ACACA: variants seen among roughly 807,000 people sequenced by gnomAD.
ACACA encodes the protein acetyl-CoA carboxylase alpha.
In ACACA, 103 loss-of-function variants were observed where a neutral mutation model predicts 296.1. The observed-to-expected ratio is 0.35, with a 90% CI of 0.30 to 0.41. ACACA has a LOEUF of 0.41. Ranked by LOEUF, ACACA falls within the 10% of genes least tolerant of loss-of-function variation. The pLI, the probability that ACACA is intolerant of heterozygous loss-of-function variation, is 1.00. For missense variants in ACACA, 1,554 were observed against 2,989.7 expected (o/e 0.52, Z 11.20); for synonymous variants, 953 against 1,038.6 (o/e 0.92, Z 1.58).
At chr17:37,139,385 A>G (rs2075466684) in intron 45 of ACACA, among the ~76,000 whole-genome samples, 1 of 152,196 alleles carries the variant, frequency 6.6e-6, no homozygotes, top group Non-Finnish European at 1.5e-5. Flanking sequence ...GTGGAAATGG[A>G]CAATGGATAT....
intron 3 of ACACA, among the ~76,000 whole-genome samples, chr17:37,293,915 G>A (rs1335565535): frequency 4.6e-5 from 7 of 151,946 alleles, no homozygotes; most frequent in South Asian, 4.2e-4. Flanking sequence ...CATGTTTAAC[G>A]GTTTATTTAG....
At chr17:37,211,021 T>G (rs1043489577) in intron 29 of ACACA, among the ~76,000 whole-genome samples, 4 of 152,130 alleles carry the variant, frequency 2.6e-5, no homozygotes, top group African/African-American at 9.7e-5. Context: ...AAGAAAAGTA[T>G]CCAGGAATCT....
chr17:37,289,839 C>G (rs915034528), intron 3 of ACACA, among the ~76,000 whole-genome samples: 15 of 152,198 alleles, frequency 9.9e-5, no homozygotes, highest in Admixed American at 3.9e-4. Context: ...ACTGAGCTTC[C>G]TCTGTGCCAC....
chr17:37,175,293 G>A (rs563801148), intron 41 of ACACA, among the ~76,000 whole-genome samples: 5 of 152,308 alleles, frequency 3.3e-5, no homozygotes, highest in East Asian at 3.9e-4. Context: ...TGTCAAGTCC[G>A]TTACAGCCCT....
At chr17:37,300,675 T>C (rs2083576943) in intron 3 of ACACA, among the ~76,000 whole-genome samples, 2 of 152,046 alleles carry the variant, frequency 1.3e-5, no homozygotes, top group Non-Finnish European at 2.9e-5. Context: ...AACATTGATC[T>C]GAAGGACATT....
chr17:37,176,566 T>C (rs1014766719), intron 41 of ACACA, among the ~76,000 whole-genome samples: 6 of 152,174 alleles, frequency 3.9e-5, no homozygotes, highest in Non-Finnish European at 7.3e-5. Context: ...GCCAGGCTCA[T>C]GACAAACTTG....
chr17:37,349,560 G>GC (rs1188503850), intron 1 of ACACA, among the ~76,000 whole-genome samples: 2 of 135,220 alleles, frequency 1.5e-5, no homozygotes, highest in Non-Finnish European at 3.2e-5. Context: ...TATATATATA[G>GC]CTTTTTTTTT....
At position 37,244,710 on chromosome 17, in the gene ACACA, G is replaced by A. The variant is rs17848757; in HGVS notation, c.2620C>T (p.Pro874Ser). The A allele has an allele frequency of 8.1e-6, 13 of 1,614,142 alleles. No individual in the cohort carries two copies. The East Asian group carries it at 2.9e-4, about 36-fold the overall frequency. The change falls in exon 21 of 56, where the codon CCA (proline) becomes TCA (serine). Residue 874 changes from proline to serine, a missense_variant. Physicochemically the swap from Pro to Ser is moderately conservative, Grantham distance 74. Transcript: ENST00000616317. ...QQAELHTGSL[P>S]RIQSTALRGE... ...CTGAGTGCCGTGCTCTGGATCCGTG[G>A]CAGACTACCTGTGTGAAGTTCAGCC...
At position 37,377,866 on chromosome 17, in the gene ACACA, T is replaced by C. The variant is rs1380036068; in HGVS notation, c.38+28396A>G. The stretch of plus-strand genomic sequence containing the variant: ...TTCCCCGGTTCCCCTCCTCCCCCTC[T>C]GCTCACCCCCAGACCTCAGAGATAG... On this transcript the variant is annotated intron_variant, in intron 1 of 55. Transcript: ENST00000616317. 8 of 1,585,446 alleles carry C rather than the reference T, an allele frequency of 5.0e-6. No homozygotes were observed. The African/African-American group carries it at 1.1e-4, about 21-fold the overall frequency.
chr17:37,363,181 T>TTTTC, intron 1 of ACACA, among the ~76,000 whole-genome samples: 1 of 47,010 alleles, frequency 2.1e-5, no homozygotes, highest in Non-Finnish European at 3.5e-5. Context: ...CTCTTTTTCT[T>TTTTC]TTTTTTTTTT....
Position 37,085,432 on chromosome 17 carries a change from G to T in ACACA, c.*1884C>A. 1 of 395,730 alleles carries T rather than the reference G, an allele frequency of 2.5e-6. No individual in the cohort carries two copies. The highest frequency in any genetic ancestry group is 4.4e-6 in the Non-Finnish European group (1 of 224,748). The allele number at this position is 395,730 out of a possible 1,614,324, so 24.5% of individuals were successfully genotyped here. A position where few individuals can be genotyped will look rare whatever the true frequency, so the allele number is the denominator to read the frequency against. ...ACATGCCTGGACAGGCCTCCTGGGG[G>T]GTGCAGGACTTCATACCACTTGTAG... is the stretch of plus-strand genomic sequence containing the variant. On this transcript the variant is annotated 3_prime_UTR_variant, in exon 56 of 56. Coordinates refer to ENST00000616317, the MANE Select transcript of ACACA (RefSeq NM_198834.3).
At chr17:37,212,718 T>G (rs1275733891) in intron 29 of ACACA, among the ~76,000 whole-genome samples, 1 of 151,930 alleles carries the variant, frequency 6.6e-6, no homozygotes, top group Non-Finnish European at 1.5e-5. Context: ...CTTGAACTCC[T>G]GAGCTCAAGT....
intron 41 of ACACA, among the ~76,000 whole-genome samples, chr17:37,174,043 TAGCGATAGG>T (rs2077014734): frequency 1.1e-5 from 1 of 94,284 alleles, no homozygotes. Context: ...TTTTTTTTTG[TAGCGATAGG>T]GTTTTGCCAT....
At chr17:37,395,519 G>T (rs770436038) in intron 1 of ACACA, among the ~76,000 whole-genome samples, 1 of 151,662 alleles carries the variant, frequency 6.6e-6, no homozygotes, top group Non-Finnish European at 1.5e-5. Flanking sequence ...AGTTTTAGAG[G>T]TGACTAGAAG....
chr17:37,090,839 A>G (rs1372205235), intron 54 of ACACA, among the ~76,000 whole-genome samples: 1 of 151,990 alleles, frequency 6.6e-6, no homozygotes, highest in African/African-American at 2.4e-5. Context: ...TGGTTTCAGG[A>G]CTTCTACACA....
At chr17:37,167,015 G>C (rs1007461596) in intron 41 of ACACA, among the ~76,000 whole-genome samples, 1 of 151,810 alleles carries the variant, frequency 6.6e-6, no homozygotes, top group Admixed American at 6.6e-5. Context: ...CGTGATCTCG[G>C]GTCACTACAA....
intron 1 of ACACA, among the ~76,000 whole-genome samples, chr17:37,373,083 G>A (rs1358421843): frequency 6.6e-6 from 1 of 152,108 alleles, no homozygotes; most frequent in East Asian, 1.9e-4. Flanking sequence ...GTTTCACCAT[G>A]TTGGCCAGGC....
intron 41 of ACACA, chr17:37,162,786 C>T: frequency 5.8e-6 from 1 of 171,578 alleles, no homozygotes; most frequent in Non-Finnish European, 1.2e-5. Flanking sequence ...AAGGAGTCTT[C>T]AGGGAAAATT....
chr17:37,380,096 T>TA (rs1193827764), intron 1 of ACACA, among the ~76,000 whole-genome samples: 1 of 151,848 alleles, frequency 6.6e-6, no homozygotes, highest in African/African-American at 2.4e-5. Context: ...TATGCAGCCA[T>TA]AAAAAACAAT....
Sources: gnomAD v4.1 joint callset for allele counts (sites outside exome capture counted in the v4.1 genomes callset) on GRCh38, gnomAD v4.1.1 for gene constraint, MANE v1.5 for transcripts, NCBI Gene and HGNC (gene_info 2026-07-23, HGNC 2026-07-21) for gene names.